Variants in TMEM74 observed in about 807,000 individuals in gnomAD.
TMEM74 encodes transmembrane protein 74.
Under a neutral mutation model 18.1 loss-of-function variants are expected in TMEM74, and 13 were observed. The ratio of observed to expected loss-of-function variants is 0.72; its 90% CI spans 0.47 to 1.14. The LOEUF is 1.14. Ranked by LOEUF, TMEM74 falls within the 50% of genes most tolerant of loss-of-function variation. The pLI is 0.00. For synonymous variants in TMEM74, 159 were observed against 146.6 expected (o/e 1.08, Z -0.61); for missense variants, 372 against 375.9 (o/e 0.99, Z 0.09).
At chr8:108,708,786 A>T (rs963009683) in intron 1 of TMEM74, among the ~76,000 whole-genome samples, 3 of 143,030 alleles carry the variant, frequency 2.1e-5, no homozygotes, top group African/African-American at 7.9e-5. Flanking sequence ...TAAAATACAC[A>T]TGAAACTTCT....
chr8:108,683,771 A>G (rs1475570355), intron 1 of TMEM74, among the ~76,000 whole-genome samples: 1 of 151,930 alleles, frequency 6.6e-6, no homozygotes, highest in Non-Finnish European at 1.5e-5. Flanking sequence ...TACCCTTCCC[A>G]GTCTCTGGTA....
intron 1 of TMEM74, among the ~76,000 whole-genome samples, chr8:108,756,830 A>T (rs1813981138): frequency 6.7e-6 from 1 of 148,560 alleles, no homozygotes; most frequent in Non-Finnish European, 1.5e-5. Context: ...GGAAGGAAGG[A>T]AATGTATCCT....
chr8:108,756,674 A>C (rs1813973486), intron 1 of TMEM74, among the ~76,000 whole-genome samples: 1 of 108,490 alleles, frequency 9.2e-6, no homozygotes, highest in Non-Finnish European at 1.8e-5. Flanking sequence ...GAAAGAAAGA[A>C]AGAAAGAAAG....
chr8:108,619,072 T>A (rs1405111767), intron 2 of TMEM74, among the ~76,000 whole-genome samples: 1 of 152,170 alleles, frequency 6.6e-6, no homozygotes, highest in African/African-American at 2.4e-5. Flanking sequence ...CATTTAATCT[T>A]GAGAAAAATT....
chr8:108,646,912 C>A (rs72673010), intron 2 of TMEM74, among the ~76,000 whole-genome samples: 7,339 of 152,182 alleles, frequency 0.048, 225 homozygotes, highest in Middle Eastern at 0.075. Flanking sequence ...GGGGTGGGTT[C>A]CTCCTTGGTT....
At chr8:108,680,171 C>T (rs1466300255) in intron 1 of TMEM74, among the ~76,000 whole-genome samples, 1 of 152,134 alleles carries the variant, frequency 6.6e-6, no homozygotes, top group Non-Finnish European at 1.5e-5. Flanking sequence ...TTTTATGAGG[C>T]TAGCATCATC....
chr8:108,701,083 A>G (rs1351912924), intron 1 of TMEM74, among the ~76,000 whole-genome samples: 3 of 152,166 alleles, frequency 2.0e-5, no homozygotes, highest in East Asian at 1.9e-4. Flanking sequence ...GGTTGAGTCA[A>G]CATTTGAAAA....
At chr8:108,656,154 G>A (rs914190398) in intron 1 of TMEM74, among the ~76,000 whole-genome samples, 2 of 152,162 alleles carry the variant, frequency 1.3e-5, no homozygotes, top group Admixed American at 6.5e-5. Context: ...GGTGAGTTTC[G>A]AAGGAGAATC....
intron 1 of TMEM74, among the ~76,000 whole-genome samples, chr8:108,708,792 C>T (rs903746951): frequency 3.2e-5 from 3 of 93,386 alleles, no homozygotes; most frequent in African/African-American, 4.6e-5. Context: ...ACACATGAAA[C>T]TTCTACAACT....
intron 1 of TMEM74, among the ~76,000 whole-genome samples, chr8:108,705,831 C>T (rs1013908386): frequency 1.3e-5 from 2 of 152,198 alleles, no homozygotes; most frequent in Non-Finnish European, 2.9e-5. Flanking sequence ...CAGATACTCT[C>T]ATTAGAGATG....
At chr8:108,628,561 T>C (rs1428373525) in intron 2 of TMEM74, among the ~76,000 whole-genome samples, 1 of 152,076 alleles carries the variant, frequency 6.6e-6, no homozygotes, top group Non-Finnish European at 1.5e-5. Context: ...GTTCCAAGTC[T>C]TTGCTATTGT....
chr8:108,717,791 G>T (rs557353172), intron 1 of TMEM74, among the ~76,000 whole-genome samples: 14 of 152,170 alleles, frequency 9.2e-5, no homozygotes, highest in Admixed American at 2.0e-4. Flanking sequence ...AATAGCAGGA[G>T]GTAAGTGTGC....
chr8:108,717,750 T>A (rs1813540590), intron 1 of TMEM74, among the ~76,000 whole-genome samples: 1 of 151,660 alleles, frequency 6.6e-6, no homozygotes, highest in Non-Finnish European at 1.5e-5. Flanking sequence ...GGGCCCTGAG[T>A]GGGAAATATG....
intron 1 of TMEM74, among the ~76,000 whole-genome samples, chr8:108,769,433 A>T (rs1434350334): frequency 6.6e-6 from 1 of 152,020 alleles, no homozygotes; most frequent in African/African-American, 2.4e-5. Context: ...GCCTCCACCC[A>T]CAGCCACCTT....
chr8:108,672,073 G>T (rs895828149), intron 1 of TMEM74, among the ~76,000 whole-genome samples: 3 of 152,112 alleles, frequency 2.0e-5, no homozygotes, highest in African/African-American at 7.2e-5. Context: ...CTGACACTGT[G>T]GGTGGAAAAA....
intron 1 of TMEM74, among the ~76,000 whole-genome samples, chr8:108,726,281 G>A (rs905892263): frequency 6.6e-6 from 1 of 152,112 alleles, no homozygotes; most frequent in African/African-American, 2.4e-5. Context: ...GTCCAGGTAA[G>A]GTAAAATTCA....
chr8:108,717,703 G>A (rs965148300), intron 1 of TMEM74, among the ~76,000 whole-genome samples: 1 of 152,058 alleles, frequency 6.6e-6, no homozygotes, highest in African/African-American at 2.4e-5. Context: ...TGGTCATGTG[G>A]GGATTTGGAG....
At chr8:108,699,143 C>CA (rs1813309553) in intron 1 of TMEM74, among the ~76,000 whole-genome samples, 1 of 74,586 alleles carries the variant, frequency 1.3e-5, no homozygotes, top group Non-Finnish European at 2.7e-5. Flanking sequence ...TCCCCTCCCT[C>CA]TTTTCCTTCC....
chr8:108,742,912 G>A (rs1237471944), intron 1 of TMEM74, among the ~76,000 whole-genome samples: 4 of 152,168 alleles, frequency 2.6e-5, no homozygotes, highest in African/African-American at 4.8e-5. Context: ...ATTAATGACC[G>A]AGTGTAACAT....
Sources: gnomAD v4.1 joint callset for allele counts (sites outside exome capture counted in the v4.1 genomes callset) on GRCh38, gnomAD v4.1.1 for gene constraint, MANE v1.5 for transcripts, NCBI Gene and HGNC (gene_info 2026-07-23, HGNC 2026-07-21) for gene names.